ELL2: variants seen among roughly 807,000 people sequenced by gnomAD.
The protein encoded by ELL2 is elongation factor for RNA polymerase II 2, also known as RNA polymerase II elongation factor ELL2.
In ELL2, 21 loss-of-function variants were observed where a neutral mutation model predicts 72.8. The ratio of observed to expected loss-of-function variants is 0.29; its 90% CI spans 0.20 to 0.42. The LOEUF (loss-of-function observed/expected upper bound fraction) is 0.42, where lower values mean the gene tolerates loss of function less well. Ranked by LOEUF, ELL2 falls within the 10% of genes least tolerant of loss-of-function variation. The pLI, the probability that ELL2 is intolerant of heterozygous loss-of-function variation, is 1.00. For missense variants in ELL2, 568 were observed against 772.8 expected (o/e 0.73, Z 3.14); for synonymous variants, 266 against 283.2 (o/e 0.94, Z 0.61).
chr5:95,923,376 G>A (rs1381617890), intron 2 of ELL2, among the ~76,000 whole-genome samples: 1 of 152,032 alleles, frequency 6.6e-6, no homozygotes, highest in Non-Finnish European at 1.5e-5. Context: ...AACCACCTCT[G>A]TCCTCACCTC....
chr5:95,929,050 T>C (rs576963741), intron 2 of ELL2, among the ~76,000 whole-genome samples: 37 of 152,232 alleles, frequency 2.4e-4, no homozygotes, highest in African/African-American at 8.2e-4. Flanking sequence ...TTAATGTGAG[T>C]TCAGCTTAGG....
intron 1 of ELL2, among the ~76,000 whole-genome samples, chr5:95,946,985 A>C (rs1167494729): frequency 6.6e-6 from 1 of 152,230 alleles, no homozygotes; most frequent in Admixed American, 6.5e-5. Context: ...AAAAATGTTA[A>C]ACCTGTTTCT....
At chr5:95,949,025 A>C (rs1415450659) in intron 1 of ELL2, among the ~76,000 whole-genome samples, 1 of 152,200 alleles carries the variant, frequency 6.6e-6, no homozygotes, top group Non-Finnish European at 1.5e-5. Context: ...GCAATGCTAA[A>C]ATGCTCTTAA....
At chr5:95,948,940 T>G (rs910303154) in intron 1 of ELL2, among the ~76,000 whole-genome samples, 1 of 152,242 alleles carries the variant, frequency 6.6e-6, no homozygotes, top group Non-Finnish European at 1.5e-5. Flanking sequence ...TCACTGCTCT[T>G]AGAAGCTCCT....
At chr5:95,896,861 A>G (rs973124840) in intron 8 of ELL2, among the ~76,000 whole-genome samples, 2 of 151,602 alleles carry the variant, frequency 1.3e-5, no homozygotes, top group Admixed American at 6.6e-5. Flanking sequence ...ATCTCAACAT[A>G]CTGAAATCCA....
At chr5:95,899,916 G>C (rs899540351) in intron 7 of ELL2, among the ~76,000 whole-genome samples, 1 of 151,772 alleles carries the variant, frequency 6.6e-6, no homozygotes, top group Non-Finnish European at 1.5e-5. Flanking sequence ...TCTGATGTGC[G>C]AATGGCTGTT....
rs779493085 is a variant in ELL2, at chr5:95,900,947, A to G, written c.866+9T>C. On this transcript the variant is annotated intron_variant, in intron 6 of 11. Transcript: ENST00000237853. ...ACATTTTTTTAAAAGCAAGAAAAAA[A>G]GAATTCACCTAGAGAGCACTGACTC... 1 of 1,579,384 alleles carries G rather than the reference A, an allele frequency of 6.3e-7. No homozygotes were observed. Among genetic ancestry groups the G allele is most frequent in the South Asian group, 1.2e-5 (1 of 84,830 alleles).
In ELL2 at chr5:95,945,888, T is replaced by C. The variant is rs555724324; in HGVS notation, c.148-2839A>G. Among the ~76,000 whole-genome samples, 6 of 152,282 alleles carry C rather than the reference T, an allele frequency of 3.9e-5. No homozygotes were observed. In the South Asian group the frequency reaches 8.3e-4, roughly 21 times the overall value. ...TTTTCCTTATCCTCAAAATGTGTCT[T>C]CATTTTTAGTTTCTATTTGCTACAG... On this transcript the variant is annotated intron_variant, in intron 1 of 11. Coordinates refer to ENST00000237853, the MANE Select transcript of ELL2 (RefSeq NM_012081.6).
chr5:95,915,222 C>T (rs1373816034), intron 3 of ELL2, among the ~76,000 whole-genome samples: 2 of 152,162 alleles, frequency 1.3e-5, no homozygotes, highest in African/African-American at 4.8e-5. Context: ...CCTGCCTCAG[C>T]CTCCCAAGTA....
In ELL2 at chr5:95,923,896, T is replaced by A. The variant is rs184267798; in HGVS notation, c.196-4351A>T. Among the ~76,000 whole-genome samples, 8 of 152,360 alleles carry A rather than the reference T, an allele frequency of 5.3e-5. No individual in the cohort carries two copies. In the East Asian group the frequency reaches 1.5e-3, roughly 29 times the overall value. ...AAAGTTAATTGTATCAATATCCAAG[T>A]ATACTCTTAAGAATGAAATGGGTAT... On this transcript the variant is annotated intron_variant, in intron 2 of 11. Transcript: ENST00000237853.
At chr5:95,928,959 T>C (rs891856978) in intron 2 of ELL2, among the ~76,000 whole-genome samples, 1 of 152,184 alleles carries the variant, frequency 6.6e-6, no homozygotes, top group Admixed American at 6.5e-5. Context: ...TTGTATTTCA[T>C]GTCCAGCAGC....
At chr5:95,911,955 G>A (rs1366175956) in intron 4 of ELL2, among the ~76,000 whole-genome samples, 2 of 152,204 alleles carry the variant, frequency 1.3e-5, no homozygotes, top group African/African-American at 4.8e-5. Flanking sequence ...GGGAGGAAGA[G>A]GGTGTACAGA....
chr5:95,940,483 C>T (rs1750931031), intron 2 of ELL2, among the ~76,000 whole-genome samples: 1 of 152,086 alleles, frequency 6.6e-6, no homozygotes, highest in African/African-American at 2.4e-5. Context: ...AAGAGTATAA[C>T]CATGCAGTGC....
intron 1 of ELL2, among the ~76,000 whole-genome samples, chr5:95,952,657 T>A (rs990398335): frequency 2.0e-5 from 3 of 152,234 alleles, no homozygotes; most frequent in Non-Finnish European, 1.5e-5. Context: ...TAAAAGGGTA[T>A]AAAACACAGT....
intron 10 of ELL2, among the ~76,000 whole-genome samples, chr5:95,890,006 T>C (rs571464456): frequency 6.6e-6 from 1 of 152,156 alleles, no homozygotes; most frequent in African/African-American, 2.4e-5. Context: ...TCAATGATTA[T>C]CCCATTTTAT....
intron 1 of ELL2, among the ~76,000 whole-genome samples, chr5:95,961,200 C>A (rs980221591): frequency 3.5e-4 from 54 of 152,206 alleles, no homozygotes; most frequent in South Asian, 8.3e-4. Context: ...TGCTCGCTAC[C>A]CTCCTTCCCC....
intron 3 of ELL2, among the ~76,000 whole-genome samples, chr5:95,916,144 GA>G (rs150367092): frequency 0.031 from 4,762 of 151,948 alleles, 123 homozygotes; most frequent in Admixed American, 0.073. Context: ...TGAGGAAGTG[GA>G]ACTGACAAAA....
chr5:95,907,050 A>G (rs1749388855), intron 4 of ELL2, among the ~76,000 whole-genome samples: 1 of 152,126 alleles, frequency 6.6e-6, no homozygotes, highest in African/African-American at 2.4e-5. Context: ...ACAGAAAGAT[A>G]ATAACTAGTA....
chr5:95,926,981 T>A (rs1026769877), intron 2 of ELL2, among the ~76,000 whole-genome samples: 1 of 152,190 alleles, frequency 6.6e-6, no homozygotes, highest in Non-Finnish European at 1.5e-5. Context: ...TCTCTATTAA[T>A]ATGAAATTAG....
Sources: allele counts gnomAD v4.1 joint callset (sites outside exome capture counted in the v4.1 genomes callset), GRCh38; gene constraint gnomAD v4.1.1; transcripts MANE v1.5; gene names NCBI Gene and HGNC (gene_info 2026-07-23, HGNC 2026-07-21).